BCR: variants seen among roughly 807,000 people sequenced by gnomAD.
BCR encodes the protein BCR activator of RhoGEF and GTPase, also known as breakpoint cluster region protein.
A neutral mutation model predicts 138.6 loss-of-function variants in BCR; 58 were observed. That is an observed-to-expected ratio of 0.42 (90% CI 0.34 to 0.52). BCR has a LOEUF of 0.52. BCR is among the 20% of genes least tolerant of loss of function. The probability of loss-of-function intolerance (pLI) is 0.06; values close to 1 mark genes in which losing one functional copy is unlikely to be tolerated. For synonymous variants in BCR, 786 were observed against 730.1 expected (o/e 1.08, Z -1.23); for missense variants, 1,599 against 1,727.2 (o/e 0.93, Z 1.32).
At chr22:23,275,383 C>A (rs1041848948) in intron 8 of BCR, among the ~76,000 whole-genome samples, 2 of 152,226 alleles carry the variant, frequency 1.3e-5, no homozygotes, top group African/African-American at 2.4e-5. Flanking sequence ...GGAACATGGC[C>A]CCACCTCATC....
At chr22:23,236,184 C>T (rs1394074031) in intron 1 of BCR, among the ~76,000 whole-genome samples, 1 of 152,172 alleles carries the variant, frequency 6.6e-6, no homozygotes, top group East Asian at 1.9e-4. Flanking sequence ...CTCCACGTAC[C>T]TTCTGTTTCA....
chr22:23,269,785 G>A (rs2073488684), intron 5 of BCR, among the ~76,000 whole-genome samples: 2 of 152,174 alleles, frequency 1.3e-5, no homozygotes, highest in African/African-American at 4.8e-5. Flanking sequence ...CGAATTTCAA[G>A]TGACCTTGAC....
rs761441813 is a variant in BCR, at chr22:23,309,483, G to A, written c.3072G>A (p.Gly1024=). ...DWQRTVIAMN[G]IEVKLSVKFN... ...AGCGCACCGTCATCGCCATGAATGGGGTACGTGTCCGTGGGACTCTCCTGG... is the reference window on the plus strand; with the variant it reads ...AGCGCACCGTCATCGCCATGAATGGAGTACGTGTCCGTGGGACTCTCCTGG... Residue 1024 remains glycine (G), a splice_region_variant and synonymous_variant, in exon 17 of 23, where the codon GGG becomes GGA. Transcript: ENST00000305877. 3 of 1,597,112 alleles carry A rather than the reference G, an allele frequency of 1.9e-6. No individual in the cohort carries two copies. Among genetic ancestry groups the A allele is most frequent in the Non-Finnish European group, 2.6e-6 (3 of 1,171,138 alleles).
intron 1 of BCR, chr22:23,199,186 T>C: frequency 2.2e-6 from 1 of 451,606 alleles, no homozygotes; most frequent in South Asian, 1.6e-5. Flanking sequence ...TAAGTCTGGT[T>C]TCCTCTCTCA....
intron 1 of BCR, among the ~76,000 whole-genome samples, chr22:23,247,048 G>A (rs1022173322): frequency 6.6e-6 from 1 of 152,146 alleles, no homozygotes; most frequent in East Asian, 1.9e-4. Flanking sequence ...TCCCAGCCAT[G>A]GTTTTCCAAG....
Position 23,288,122 on chromosome 22 carries a change from A to G in BCR, c.2552A>G (p.Asp851Gly). Reference protein sequence around the residue: ...GKSYTFLISSDYERAEWRENI... With the variant: ...GKSYTFLISSGYERAEWRENI... ...AGTTACACGTTCCTGATCTCCTCTG[A>G]CTATGAGCGTGCAGAGTGGAGGGAG... Residue 851 changes from aspartate (D) to glycine (G), a missense_variant, in exon 12 of 23, where the codon GAC becomes GGC. By Grantham distance (94) the Asp-to-Gly change is moderately conservative. Coordinates refer to ENST00000305877, the MANE Select transcript of BCR (RefSeq NM_004327.4). 6.2e-7 allele frequency: 1 copy of G among 1,614,006 alleles called. No individual in the cohort carries two copies. Among genetic ancestry groups the G allele is most frequent in the Non-Finnish European group, 8.5e-7 (1 of 1,179,956 alleles).
chr22:23,182,846 A>T (rs2072289592), intron 1 of BCR, among the ~76,000 whole-genome samples: 1 of 152,248 alleles, frequency 6.6e-6, no homozygotes, highest in African/African-American at 2.4e-5. Context: ...GTGAGGCGAC[A>T]GGCAGTTGTG....
chr22:23,311,938 G>A (rs1422191965), intron 19 of BCR, 102 bp downstream of exon 19: 7 of 1,501,032 alleles, frequency 4.7e-6, no homozygotes, highest in Non-Finnish European at 6.2e-6. Context: ...ATCCTTCTCT[G>A]TGTCTTTTCT....
chr22:23,299,533 T>C (rs562670637), intron 16 of BCR, among the ~76,000 whole-genome samples: 7 of 152,226 alleles, frequency 4.6e-5, no homozygotes, highest in African/African-American at 1.4e-4. Context: ...TGACGTGATC[T>C]TTATTTTGGC....
rs2073350183 is a variant in BCR at position 23,260,968 on chromosome 22, A to C, written c.1480A>C (p.Lys494Gln). Residue 494 changes from lysine to glutamine, a missense_variant, in exon 3 of 23, where the codon AAG becomes CAG. Physicochemically the swap from Lys to Gln is moderately conservative, Grantham distance 53. This residue lies in a region of BCR where 590 missense variants were observed against 762.4 expected (regional missense o/e 0.77). Transcript: ENST00000305877. ...STKASELDLE[K>Q]GLEMRKWVLS... ...CCTGCAGAGTGAGCTGGACTTGGAA[A>C]AGGGCTTGGAGATGAGAAAATGGGT... 6.2e-7 allele frequency: 1 copy of C among 1,613,958 alleles called. No individual in the cohort carries two copies. Among genetic ancestry groups the C allele is most frequent in the Non-Finnish European group, 8.5e-7 (1 of 1,179,974 alleles).
chr22:23,305,297 G>A (rs1261294344), intron 16 of BCR, among the ~76,000 whole-genome samples: 1 of 152,182 alleles, frequency 6.6e-6, no homozygotes, highest in African/African-American at 2.4e-5. Context: ...GAACAACTGG[G>A]GTTGCCCTGC....
At chr22:23,249,282 A>G (rs1421378324) in intron 1 of BCR, among the ~76,000 whole-genome samples, 2 of 151,992 alleles carry the variant, frequency 1.3e-5, no homozygotes, top group African/African-American at 2.4e-5. Flanking sequence ...ACAAAAAAAA[A>G]TTAGCCAGGC....
At chr22:23,241,720 G>A (rs1185815706) in intron 1 of BCR, among the ~76,000 whole-genome samples, 3 of 152,060 alleles carry the variant, frequency 2.0e-5, no homozygotes, top group South Asian at 2.1e-4. Context: ...CCCTGCCTGC[G>A]TTTTTCTACC....
At chr22:23,185,984 C>T (rs750876198) in intron 1 of BCR, among the ~76,000 whole-genome samples, 2 of 142,922 alleles carry the variant, frequency 1.4e-5, no homozygotes, top group Non-Finnish European at 3.0e-5. Context: ...CCGCCTCAGC[C>T]TCCGAAAGTG....
chr22:23,311,769 G>A lies in BCR; in HGVS notation c.3255G>A (p.Glu1085=). The A allele has an allele frequency of 6.2e-7, 1 of 1,611,816 alleles. No individual in the cohort carries two copies. The stretch of plus-strand genomic sequence containing the variant: ...AGATCGAGCGCCGAGGCATGGAGGA[G>A]GTGGGCATCTACCGCGTGTCCGGTG... ...VEEIERRGME[E]VGIYRVSGVA... is the part of the protein sequence containing the mutation. Residue 1085 remains glutamate (E), a synonymous_variant, in exon 19 of 23, where the codon GAG becomes GAA. Transcript: ENST00000305877.
chr22:23,271,410 T>C, intron 5 of BCR, 122 bp from the exon 6 acceptor site: 1 of 989,554 alleles, frequency 1.0e-6, no homozygotes, highest in Non-Finnish European at 1.5e-6. Flanking sequence ...CATTATCAGC[T>C]CAGAATGCAC....
intron 1 of BCR, among the ~76,000 whole-genome samples, chr22:23,194,041 C>T (rs943145385): frequency 6.6e-6 from 1 of 152,198 alleles, no homozygotes; most frequent in Non-Finnish European, 1.5e-5. Flanking sequence ...GGCTCAGAGC[C>T]GCCGTCTGAC....
chr22:23,290,533 T>G (rs2073773958), intron 14 of BCR, 120 bp downstream of exon 14: 4 of 1,019,064 alleles, frequency 3.9e-6, no homozygotes, highest in Non-Finnish European at 6.2e-6. Context: ...CGGGACACCT[T>G]TGACCCTGGC....
chr22:23,266,629 A>G (rs999500988), intron 4 of BCR, among the ~76,000 whole-genome samples: 1 of 152,164 alleles, frequency 6.6e-6, no homozygotes, highest in Non-Finnish European at 1.5e-5. Flanking sequence ...ACCTCAGGTG[A>G]TCTGCCTGCC....
Sources: allele counts gnomAD v4.1 joint callset (sites outside exome capture counted in the v4.1 genomes callset), GRCh38; gene constraint gnomAD v4.1.1; regional missense constraint gnomAD v4.1.1; transcripts MANE v1.5; gene names NCBI Gene and HGNC (gene_info 2026-07-23, HGNC 2026-07-21).